Variants in SH3GL3 observed in about 807,000 individuals in gnomAD.
SH3GL3 encodes SH3 domain containing GRB2 like 3, endophilin A3.
In SH3GL3, 33 loss-of-function variants were observed where a neutral mutation model predicts 47.7. The ratio of observed to expected loss-of-function variants is 0.69; its 90% CI spans 0.52 to 0.92. The LOEUF (loss-of-function observed/expected upper bound fraction) is 0.92. SH3GL3 is among the 40% of genes least tolerant of loss of function. The pLI is 0.00. For missense variants in SH3GL3, 363 were observed against 417.8 expected, an observed-to-expected ratio of 0.87 and a Z score of 1.14; for synonymous variants, 155 against 148.8, an observed-to-expected ratio of 1.04 and a Z score of -0.30.
chr15:83,588,398 T>G (rs574813931), intron 7 of SH3GL3, among the ~76,000 whole-genome samples: 2 of 152,322 alleles, frequency 1.3e-5, no homozygotes, highest in East Asian at 3.9e-4. Context: ...AGTGCTGGGA[T>G]TACAGGCATG....
Position 83,581,761 on chromosome 15 carries a change from G to T in SH3GL3, c.624+5020G>T, listed in dbSNP as rs183473724. ...TTTATCTATTTTCTCATCTATTTTTGGCAGAACTGGGAATGGGAGAATGAA... is the reference window on the plus strand; with the variant it reads ...TTTATCTATTTTCTCATCTATTTTTTGCAGAACTGGGAATGGGAGAATGAA... On this transcript the variant is annotated intron_variant, in intron 6 of 8. Transcript: ENST00000427482. Among the ~76,000 whole-genome samples, 48 of 152,240 alleles carry T rather than the reference G, an allele frequency of 3.2e-4. No individual in the cohort carries two copies. In the East Asian group the frequency reaches 8.7e-3, roughly 28 times the overall value.
chr15:83,572,764 A>G, intron 5 of SH3GL3, 66 bp downstream of exon 5: 1 of 1,190,076 alleles, frequency 8.4e-7, no homozygotes, highest in Non-Finnish European at 1.2e-6. Flanking sequence ...TAAAATCACT[A>G]GAACGTTTCA....
chr15:83,628,595 C>A, the SH3GL3 span, among the ~76,000 whole-genome samples: 174 of 152,008 alleles, frequency 1.1e-3, no homozygotes, highest in South Asian at 2.1e-3. Context: ...GTACAAAAAT[C>A]AGCTATGAGT....
intron 1 of SH3GL3, among the ~76,000 whole-genome samples, chr15:83,473,907 C>G (rs2040971680): frequency 6.6e-6 from 1 of 150,880 alleles, no homozygotes; most frequent in Non-Finnish European, 1.5e-5. Flanking sequence ...GCTTCTTCAG[C>G]TCCAAATCTT....
intron 8 of SH3GL3, among the ~76,000 whole-genome samples, chr15:83,614,232 C>T (rs2060752791): frequency 6.6e-6 from 1 of 152,114 alleles, no homozygotes; most frequent in African/African-American, 2.4e-5. Context: ...TTGTTCTGTT[C>T]AAATTCAAAA....
At chr15:83,470,298 C>T (rs887917468) in intron 1 of SH3GL3, among the ~76,000 whole-genome samples, 3 of 152,188 alleles carry the variant, frequency 2.0e-5, no homozygotes, top group Non-Finnish European at 4.4e-5. Context: ...GATCTCAGCT[C>T]ACTGCAACCT....
intron 8 of SH3GL3, chr15:83,609,505 A>G (rs2060609465): frequency 2.9e-6 from 1 of 345,548 alleles, no homozygotes. Flanking sequence ...TTGTACCCCA[A>G]CAGGGACTTA....
chr15:83,464,296 T>G (rs1044567652), intron 1 of SH3GL3, among the ~76,000 whole-genome samples: 2 of 152,150 alleles, frequency 1.3e-5, no homozygotes, highest in Non-Finnish European at 2.9e-5. Context: ...CAGGTGTCTT[T>G]TAATGGGTCC....
chr15:83,478,748 A>G (rs1042359947), intron 1 of SH3GL3, among the ~76,000 whole-genome samples: 11 of 152,204 alleles, frequency 7.2e-5, no homozygotes, highest in African/African-American at 2.7e-4. Flanking sequence ...CCTCTTCCGT[A>G]TACTAGGGTA....
At chr15:83,617,502 C>G (rs1039447601) in intron 8 of SH3GL3, among the ~76,000 whole-genome samples, 53 of 152,262 alleles carry the variant, frequency 3.5e-4, no homozygotes, top group African/African-American at 1.3e-3. Flanking sequence ...TATGGTGAAA[C>G]CCCACCTGTA....
intron 5 of SH3GL3, among the ~76,000 whole-genome samples, chr15:83,574,981 G>A (rs1286348357): frequency 6.6e-6 from 1 of 152,180 alleles, no homozygotes; most frequent in East Asian, 1.9e-4. Context: ...ATTCCTCGGG[G>A]TGAGTGATCG....
chr15:83,598,206 G>T (rs2060282139), intron 8 of SH3GL3, among the ~76,000 whole-genome samples: 1 of 152,138 alleles, frequency 6.6e-6, no homozygotes, highest in Non-Finnish European at 1.5e-5. Flanking sequence ...CCTGAAGGCA[G>T]TTGCCAGGGC....
intron 1 of SH3GL3, among the ~76,000 whole-genome samples, chr15:83,511,681 T>G (rs1194759193): frequency 6.6e-6 from 1 of 152,198 alleles, no homozygotes; most frequent in Non-Finnish European, 1.5e-5. Context: ...CTCTACAGCA[T>G]CTCAGTCAGC....
intron 1 of SH3GL3, among the ~76,000 whole-genome samples, chr15:83,521,802 T>C (rs535392602): frequency 6.6e-6 from 1 of 152,234 alleles, no homozygotes; most frequent in East Asian, 1.9e-4. Flanking sequence ...CGTGGGTCAG[T>C]TGGGAATTAA....
chr15:83,460,972 AC>A (rs1250399622), intron 1 of SH3GL3, among the ~76,000 whole-genome samples: 1 of 151,926 alleles, frequency 6.6e-6, no homozygotes, highest in Non-Finnish European at 1.5e-5. Flanking sequence ...ATTCCCAGCT[AC>A]TCAGGAGGCT....
intron 1 of SH3GL3, among the ~76,000 whole-genome samples, chr15:83,491,352 T>A (rs1334945583): frequency 6.6e-6 from 1 of 152,342 alleles, no homozygotes; most frequent in South Asian, 2.1e-4. Flanking sequence ...TATGAAATAC[T>A]TCATTGGACT....
chr15:83,615,131 A>G (rs1336557735), intron 8 of SH3GL3, among the ~76,000 whole-genome samples: 1 of 152,130 alleles, frequency 6.6e-6, no homozygotes, highest in Non-Finnish European at 1.5e-5. Context: ...CCTAAGATTA[A>G]TCTTATTAAT....
At chr15:83,578,222 T>A (rs1456444619) in intron 6 of SH3GL3, among the ~76,000 whole-genome samples, 1 of 152,160 alleles carries the variant, frequency 6.6e-6, no homozygotes, top group Non-Finnish European at 1.5e-5. Context: ...GGCCTTGGGT[T>A]TAAGGGGCCA....
intron 1 of SH3GL3, among the ~76,000 whole-genome samples, chr15:83,518,642 C>T (rs1406329519): frequency 1.3e-5 from 2 of 151,946 alleles, no homozygotes; most frequent in Non-Finnish European, 2.9e-5. Context: ...GATATTAGAC[C>T]TTTGTTGGAT....
Sources: allele counts gnomAD v4.1 joint callset (sites outside exome capture counted in the v4.1 genomes callset), GRCh38; gene constraint gnomAD v4.1.1; transcripts MANE v1.5; gene names NCBI Gene and HGNC (gene_info 2026-07-23, HGNC 2026-07-21).